KCNU1: variants seen among roughly 807,000 people sequenced by gnomAD.
KCNU1 encodes potassium channel subfamily U member 1.
In KCNU1, 93 loss-of-function variants were observed where a neutral mutation model predicts 126.8. The observed-to-expected ratio is 0.73, with a 90% CI of 0.62 to 0.87. The LOEUF is 0.87. Ranked by LOEUF, KCNU1 falls within the 40% of genes least tolerant of loss-of-function variation. The pLI is 0.00. For synonymous variants in KCNU1, 523 were observed against 494.2 expected (o/e 1.06, Z -0.77); for missense variants, 1,330 against 1,367.1 (o/e 0.97, Z 0.43).
intron 19 of KCNU1, among the ~76,000 whole-genome samples, chr8:36,884,923 C>CA (rs981261276): frequency 2.6e-5 from 4 of 152,062 alleles, no homozygotes; most frequent in Non-Finnish European, 5.9e-5. Flanking sequence ...CTTACAATAA[C>CA]AAAAAAACTA....
At position 36,872,422 on chromosome 8, in the gene KCNU1, C is replaced by T. The variant is rs79758409; in HGVS notation, c.2009+7901C>T. On this transcript the variant is annotated intron_variant, in intron 19 of 26. Coordinates refer to ENST00000399881, the MANE Select transcript of KCNU1 (RefSeq NM_001031836.3). The stretch of plus-strand genomic sequence containing the variant: ...CTTCAGAAAGAGAGATAAAGGGGGA[C>T]GCCGCCCCGCCCTGTAACTATGGTG... Among the ~76,000 whole-genome samples, 1,261 of 152,174 alleles carry T rather than the reference C, an allele frequency of 8.3e-3. 74 individuals are homozygous for T. In the East Asian group the frequency reaches 0.17, roughly 21 times the overall value.
intron 19 of KCNU1, among the ~76,000 whole-genome samples, chr8:36,867,922 A>T (rs1161129664): frequency 6.6e-6 from 1 of 152,084 alleles, no homozygotes; most frequent in Non-Finnish European, 1.5e-5. Context: ...TATGCTTTTG[A>T]CCCCAAGTAG....
Position 36,815,629 on chromosome 8 carries a change from G to T in KCNU1, c.937G>T (p.Glu313Ter). ...TGCGAACTATATACCTGAAATGGTGGAACTGTTTGCTAACAAGAGGAAATA... is the reference window on the plus strand; with the variant it reads ...TGCGAACTATATACCTGAAATGGTGTAACTGTTTGCTAACAAGAGGAAATA... ...LFANYIPEMV[E>*]LFANKRKYTS... Residue 313 changes from glutamate to a stop codon, truncating the protein, a stop_gained, in exon 9 of 27, where the codon GAA (glutamate) becomes TAA (stop). Transcript: ENST00000399881. LOFTEE classifies it high-confidence loss of function. 1 of 1,595,380 alleles carries T rather than the reference G, an allele frequency of 6.3e-7. No individual in the cohort carries two copies. The highest frequency in any genetic ancestry group is 8.5e-7 in the Non-Finnish European group (1 of 1,170,096).
intron 10 of KCNU1, among the ~76,000 whole-genome samples, chr8:36,830,222 T>C (rs1178756738): frequency 6.6e-6 from 1 of 151,418 alleles, no homozygotes; most frequent in Non-Finnish European, 1.5e-5. Flanking sequence ...TCTGAAATAG[T>C]ATAATTATTG....
At chr8:36,828,000 G>C (rs1411408692) in intron 10 of KCNU1, among the ~76,000 whole-genome samples, 1 of 152,012 alleles carries the variant, frequency 6.6e-6, no homozygotes, top group Non-Finnish European at 1.5e-5. Flanking sequence ...CTTCAGGTTT[G>C]TAATTTGTCT....
intron 2 of KCNU1, among the ~76,000 whole-genome samples, chr8:36,801,946 T>C (rs981016691): frequency 1.3e-5 from 2 of 151,564 alleles, no homozygotes; most frequent in African/African-American, 2.4e-5. Context: ...CCGTCTCTAC[T>C]AAAAATACAA....
At chr8:36,884,910 G>C (rs1348473355) in intron 19 of KCNU1, among the ~76,000 whole-genome samples, 4 of 152,148 alleles carry the variant, frequency 2.6e-5, no homozygotes, top group African/African-American at 9.7e-5. Context: ...CATCACTCCT[G>C]TCCTTACAAT....
At chr8:36,888,880 C>T (rs763104313) in intron 19 of KCNU1, 20 of 430,530 alleles carry the variant, frequency 4.6e-5, no homozygotes, top group African/African-American at 4.2e-4. Flanking sequence ...CTACTAGTTC[C>T]ATTTTTTTTT....
Position 36,909,543 on chromosome 8 carries a change from T to A in KCNU1, c.2331+8T>A, listed in dbSNP as rs753088098. 34 of 1,451,632 alleles carry A rather than the reference T, an allele frequency of 2.3e-5. No homozygotes were observed. Among genetic ancestry groups the A allele is most frequent in the Non-Finnish European group, 3.0e-5 (31 of 1,034,920 alleles). The allele number at this position is 1,451,632 out of a possible 1,614,324, so 89.9% of individuals were successfully genotyped here. On this transcript the variant is annotated splice_region_variant and intron_variant, in intron 21 of 26. Coordinates refer to ENST00000399881, the MANE Select transcript of KCNU1 (RefSeq NM_001031836.3). ...CAGATATACATTCTGCCTGTAAGTA[T>A]CATATAAGGAAAAGTTAATATTTAT...
intron 12 of KCNU1, 29 bp downstream of exon 12, chr8:36,834,897 C>T (rs763403791): frequency 7.8e-5 from 113 of 1,443,496 alleles, no homozygotes; most frequent in Non-Finnish European, 2.4e-5. Context: ...TATGCTATAA[C>T]GATTATTTTT....
chr8:36,845,940 T>C (rs1372280566), intron 18 of KCNU1, 41 bp downstream of exon 18: 12 of 1,181,036 alleles, frequency 1.0e-5, no homozygotes, highest in East Asian at 2.5e-5. Context: ...GCCCAGCCTC[T>C]AGGGAGCTGC....
chr8:36,921,512 C>G (rs7002592), intron 23 of KCNU1, among the ~76,000 whole-genome samples: 1 of 151,922 alleles, frequency 6.6e-6, no homozygotes, highest in Non-Finnish European at 1.5e-5. Context: ...AGCCCTATCT[C>G]TACTAAAAAT....
chr8:36,888,882 T>A (rs567979698), intron 19 of KCNU1: 2 of 415,494 alleles, frequency 4.8e-6, no homozygotes, highest in Admixed American at 6.2e-5. Flanking sequence ...ACTAGTTCCA[T>A]TTTTTTTTCT....
intron 2 of KCNU1, among the ~76,000 whole-genome samples, chr8:36,790,100 G>A (rs897594155): frequency 2.0e-5 from 3 of 152,142 alleles, no homozygotes; most frequent in Admixed American, 6.6e-5. Context: ...GAAAATAAAG[G>A]AACTGTCAAA....
At chr8:36,890,377 A>T (rs1352677622) in intron 19 of KCNU1, among the ~76,000 whole-genome samples, 1 of 152,074 alleles carries the variant, frequency 6.6e-6, no homozygotes, top group Non-Finnish European at 1.5e-5. Context: ...GGAAAGGATG[A>T]GTTGGAAATA....
chr8:36,856,075 T>C (rs1805519488), intron 18 of KCNU1, among the ~76,000 whole-genome samples: 1 of 152,114 alleles, frequency 6.6e-6, no homozygotes. Flanking sequence ...TTAACATCAG[T>C]TAATGTACTT....
At chr8:36,830,720 G>A (rs1212199530) in intron 10 of KCNU1, among the ~76,000 whole-genome samples, 2 of 151,606 alleles carry the variant, frequency 1.3e-5, no homozygotes, top group South Asian at 2.1e-4. Context: ...TTGTGTGTGT[G>A]TGTGTTGTGT....
chr8:36,902,374 G>T (rs184902737), intron 19 of KCNU1, among the ~76,000 whole-genome samples: 1 of 152,182 alleles, frequency 6.6e-6, no homozygotes, highest in East Asian at 1.9e-4. Context: ...TGCCAATAGG[G>T]CATTTAACTA....
intron 19 of KCNU1, among the ~76,000 whole-genome samples, chr8:36,896,656 C>A (rs1489952199): frequency 1.2e-4 from 18 of 151,872 alleles, no homozygotes; most frequent in Non-Finnish European, 2.5e-4. Flanking sequence ...AAAGAAGGTC[C>A]GTTCCTTTGA....
Sources: gnomAD v4.1 joint callset for allele counts (sites outside exome capture counted in the v4.1 genomes callset) on GRCh38, gnomAD v4.1.1 for gene constraint, MANE v1.5 for transcripts, NCBI Gene and HGNC (gene_info 2026-07-23, HGNC 2026-07-21) for gene names.